Variants in CEPT1 observed in about 807,000 individuals in gnomAD.
CEPT1 encodes the protein choline/ethanolaminephosphotransferase 1.
CEPT1 carries 7 observed loss-of-function variants against 42.6 expected under a neutral mutation model. That is an observed-to-expected ratio of 0.16 (90% CI 0.09 to 0.31). The LOEUF (loss-of-function observed/expected upper bound fraction) is 0.31. Among genes scored for constraint, CEPT1 ranks in the 10% least tolerant of loss-of-function variants. CEPT1 has a pLI of 1.00. For synonymous variants in CEPT1, 171 were observed against 171.9 expected, an observed-to-expected ratio of 0.99 and a Z score of 0.04; for missense variants, 306 against 502.1, an observed-to-expected ratio of 0.61 and a Z score of 3.73.
At chr1:111,177,332 T>C (rs953985269) in intron 5 of CEPT1, among the ~76,000 whole-genome samples, 4 of 152,170 alleles carry the variant, frequency 2.6e-5, no homozygotes, top group African/African-American at 9.7e-5. Context: ...GAATAAACTT[T>C]TGTGCACCTA....
chr1:111,140,929 C>T lies in CEPT1; in HGVS notation c.-74+622C>T, dbSNP rs1015316076. Among the ~76,000 whole-genome samples, 20 of 152,172 alleles carry T rather than the reference C, an allele frequency of 1.3e-4. No individual in the cohort carries two copies. The East Asian group carries it at 3.9e-3, about 29-fold the overall frequency. On this transcript the variant is annotated intron_variant, in intron 1 of 8. Transcript: ENST00000357172. Reference sequence around the variant, plus strand: ...TAACCAAAAGAGTTGCTGGTGTTTGCCAGTATTCCCAGAAACACTGCATGA... The same window carrying T: ...TAACCAAAAGAGTTGCTGGTGTTTGTCAGTATTCCCAGAAACACTGCATGA...
chr1:111,148,029 C>T lies in CEPT1; in HGVS notation c.315C>T (p.Phe105=), dbSNP rs777021913. ...TCTGTACAACTATTTTATTAGTCTT[C>T]TACTGCCCTACAGCTACAGAGCAGG... The part of the protein sequence containing the change: ...INICTTILLV[F]YCPTATEQAP... The change falls in exon 2 of 9, where the codon TTC becomes TTT. Residue 105 remains phenylalanine (F), a synonymous_variant. Coordinates refer to ENST00000357172, the MANE Select transcript of CEPT1 (RefSeq NM_006090.5). 3 of 1,613,818 alleles carry T rather than the reference C, an allele frequency of 1.9e-6. No homozygotes were observed. Among genetic ancestry groups the T allele is most frequent in the African/African-American group, 1.3e-5 (1 of 74,912 alleles).
chr1:111,150,341 A>G (rs1655200817), intron 2 of CEPT1, among the ~76,000 whole-genome samples: 1 of 152,158 alleles, frequency 6.6e-6, no homozygotes, highest in Admixed American at 6.5e-5. Context: ...GTAGATGGTT[A>G]TTGTTTCATT....
intron 2 of CEPT1, among the ~76,000 whole-genome samples, chr1:111,156,946 A>G (rs1046825539): frequency 6.6e-6 from 1 of 152,158 alleles, no homozygotes; most frequent in African/African-American, 2.4e-5. Context: ...TTATTTGTTT[A>G]TGTCAGTTCT....
intron 2 of CEPT1, among the ~76,000 whole-genome samples, chr1:111,158,902 CTTTTT>C (rs149230078): frequency 1.0e-3 from 58 of 55,442 alleles, no homozygotes; most frequent in Non-Finnish European, 1.7e-3. Context: ...TTTTACAATT[CTTTTT>C]TTTTTTTTTT....
intron 1 of CEPT1, among the ~76,000 whole-genome samples, chr1:111,144,200 T>C (rs1167574395): frequency 6.6e-6 from 1 of 152,232 alleles, no homozygotes; most frequent in Non-Finnish European, 1.5e-5. Flanking sequence ...CTGTCTTTTC[T>C]GTAATGGTTT....
Position 111,159,483 on chromosome 1 carries a change from C to T in CEPT1, c.443C>T (p.Pro148Leu), listed in dbSNP as rs1233251400. The T allele has an allele frequency of 1.9e-6, 3 of 1,611,744 alleles. No individual in the cohort carries two copies. Residue 148 changes from proline (P) to leucine (L), a missense_variant, in exon 3 of 9, where the codon CCT becomes CTT. Physicochemically the swap from Pro to Leu is moderately conservative, Grantham distance 98. Around this residue, in one of 2 missense-constraint regions of CEPT1, gnomAD observed 253 missense variants for 447.3 expected, o/e 0.57. Transcript: ENST00000357172. ...GCAAGAAGAACCAATAGTAGTTCTC[C>T]TCTGGGAGAACTTTTTGATCATGGC... is the stretch of plus-strand genomic sequence containing the variant. ...KQARRTNSSS[P>L]LGELFDHGCD...
At chr1:111,170,204 A>T (rs906798513) in intron 4 of CEPT1, among the ~76,000 whole-genome samples, 2 of 152,140 alleles carry the variant, frequency 1.3e-5, no homozygotes, top group African/African-American at 4.8e-5. Flanking sequence ...TTCAAAGGTG[A>T]TAAAGATAGA....
upstream of CEPT1, chr1:111,139,842 C>T (rs981338695): frequency 5.2e-5 from 8 of 152,640 alleles, no homozygotes; most frequent in Non-Finnish European, 8.8e-5. Context: ...ACCAGCCCCC[C>T]TCTGGCGCCT....
intron 2 of CEPT1, among the ~76,000 whole-genome samples, chr1:111,153,734 A>G (rs532571332): frequency 1.3e-5 from 2 of 152,164 alleles, no homozygotes; most frequent in African/African-American, 4.8e-5. Context: ...TCCCCACTCT[A>G]TGTTCCTGGC....
chr1:111,160,630 A>G (rs1655816771), intron 3 of CEPT1: 1 of 152,748 alleles, frequency 6.5e-6, no homozygotes, highest in South Asian at 2.0e-4. Context: ...GGATGGCAGG[A>G]TGGCAGGCTT....
chr1:111,156,803 G>T (rs1176525809), intron 2 of CEPT1, among the ~76,000 whole-genome samples: 3 of 152,158 alleles, frequency 2.0e-5, no homozygotes, highest in African/African-American at 7.2e-5. Context: ...ATATTTGTAT[G>T]TATGTAAAAT....
At chr1:111,146,041 C>T (rs1466135788) in intron 1 of CEPT1, among the ~76,000 whole-genome samples, 1 of 151,818 alleles carries the variant, frequency 6.6e-6, no homozygotes, top group South Asian at 2.1e-4. Flanking sequence ...TCAAAACATA[C>T]CTATGCCACT....
chr1:111,182,484 C>A, intron 6 of CEPT1, 166 bp downstream of exon 6: 1 of 692,480 alleles, frequency 1.4e-6, no homozygotes, highest in Non-Finnish European at 2.4e-6. Context: ...TACTTACCCA[C>A]ATTTATATGC....
At chr1:111,144,200 T>A (rs1167574395) in intron 1 of CEPT1, among the ~76,000 whole-genome samples, 1 of 152,232 alleles carries the variant, frequency 6.6e-6, no homozygotes, top group Non-Finnish European at 1.5e-5. Flanking sequence ...CTGTCTTTTC[T>A]GTAATGGTTT....
At position 111,174,618 on chromosome 1, in the gene CEPT1, A is replaced by G. The variant is rs575644789; in HGVS notation, c.630-261A>G. Among the ~76,000 whole-genome samples the G allele has an allele frequency of 8.8e-4, 134 of 151,756 alleles. 1 individual carries two copies. Among genetic ancestry groups the G allele is most frequent in the Middle Eastern group, 3.4e-3 (1 of 294 alleles). ...AAAGGTTAACCTATGGTTTCAGCCCAACTTCAATGAGTCAGAAATTTCCTT... is the reference window on the plus strand; with the variant it reads ...AAAGGTTAACCTATGGTTTCAGCCCGACTTCAATGAGTCAGAAATTTCCTT... On this transcript the variant is annotated intron_variant, in intron 4 of 8. Coordinates refer to ENST00000357172, the MANE Select transcript of CEPT1 (RefSeq NM_006090.5).
At chr1:111,143,422 A>G (rs559280777) in intron 1 of CEPT1, 60 of 152,318 alleles carry the variant, frequency 3.9e-4, no homozygotes, top group African/African-American at 1.3e-3. Flanking sequence ...TGCCTATCAC[A>G]GTGTGTAATT....
chr1:111,159,498 T>C lies in CEPT1; in HGVS notation c.458T>C (p.Phe153Ser), dbSNP rs1223698931. ...TNSSSPLGELFDHGCDSLSTV... is the reference protein window; with the variant it reads ...TNSSSPLGELSDHGCDSLSTV... ...AGTAGTTCTCCTCTGGGAGAACTTT[T>C]TGATCATGGCTGTGATTCACTATCA... The change falls in exon 3 of 9, where the codon TTT becomes TCT. Residue 153 changes from phenylalanine (F) to serine (S), a missense_variant. Around this residue, in one of 2 missense-constraint regions of CEPT1, gnomAD observed 253 missense variants for 447.3 expected, o/e 0.57. Coordinates refer to ENST00000357172, the MANE Select transcript of CEPT1 (RefSeq NM_006090.5). 6.2e-7 allele frequency: 1 copy of C among 1,610,586 alleles called. No individual in the cohort carries two copies. The highest frequency in any genetic ancestry group is 8.5e-7 in the Non-Finnish European group (1 of 1,179,158).
rs144709439 is a variant in CEPT1 at position 111,147,835 on chromosome 1, C to T, written c.121C>T (p.Pro41Ser). 1.9e-6 allele frequency: 3 copies of T among 1,613,928 alleles called. No individual in the cohort carries two copies. Among genetic ancestry groups the T allele is most frequent in the Non-Finnish European group, 2.5e-6 (3 of 1,180,004 alleles). The part of the protein sequence containing the change: ...VLNKLFQLPT[P>S]PLSRHQLKRL... ...AAATAAATTGTTTCAGTTACCAACA[C>T]CACCATTGTCAAGACACCAACTAAA... The change falls in exon 2 of 9, where the codon CCA becomes TCA. Residue 41 changes from proline to serine, a missense_variant. By Grantham distance (74) the Pro-to-Ser change is moderately conservative. Coordinates refer to ENST00000357172, the MANE Select transcript of CEPT1 (RefSeq NM_006090.5).
Sources: gnomAD v4.1 joint callset for allele counts (sites outside exome capture counted in the v4.1 genomes callset) on GRCh38, gnomAD v4.1.1 for gene constraint, gnomAD v4.1.1 regional missense constraint, MANE v1.5 for transcripts, NCBI Gene and HGNC (gene_info 2026-07-23, HGNC 2026-07-21) for gene names.